Variants in SRGAP3 observed in about 807,000 individuals in gnomAD.
SRGAP3 encodes the protein SLIT-ROBO Rho GTPase activating protein 3, also known as SLIT-ROBO Rho GTPase-activating protein 3.
Under a neutral mutation model 121.1 loss-of-function variants are expected in SRGAP3, and 39 were observed. That is an observed-to-expected ratio of 0.32 (90% CI 0.25 to 0.42). The LOEUF is 0.42. SRGAP3 is among the 10% of genes least tolerant of loss of function. The pLI is 1.00. For missense variants in SRGAP3, 1,213 were observed against 1,470.6 expected, an observed-to-expected ratio of 0.82 and a Z score of 2.86; for synonymous variants, 601 against 570.0, an observed-to-expected ratio of 1.05 and a Z score of -0.77.
chr3:9,063,396 T>C (rs1426095173), intron 5 of SRGAP3, among the ~76,000 whole-genome samples: 1 of 152,118 alleles, frequency 6.6e-6, no homozygotes, highest in Non-Finnish European at 1.5e-5. Context: ...CCCAAAGTGT[T>C]AGGATTACAG....
intron 1 of SRGAP3, among the ~76,000 whole-genome samples, chr3:9,142,865 T>A (rs1474476561): frequency 9.7e-6 from 1 of 103,476 alleles, no homozygotes; most frequent in Non-Finnish European, 1.8e-5. Context: ...TAAGACAGGG[T>A]CTCTCTCTGT....
intron 18 of SRGAP3, among the ~76,000 whole-genome samples, chr3:9,003,551 C>T (rs976047860): frequency 8.5e-5 from 13 of 152,152 alleles, no homozygotes; most frequent in Non-Finnish European, 1.5e-5. Flanking sequence ...AAGAACTATC[C>T]TCCATGCACA....
intron 3 of SRGAP3, among the ~76,000 whole-genome samples, chr3:9,254,817 AAGAG>A (rs200376937): frequency 0.011 from 1,620 of 145,880 alleles, 94 homozygotes; most frequent in Admixed American, 0.092. Context: ...AAGAAAGAAA[AAGAG>A]AGAGAGAGAG....
intron 1 of SRGAP3, among the ~76,000 whole-genome samples, chr3:9,155,029 TA>T (rs1261317834): frequency 6.6e-6 from 1 of 152,154 alleles, no homozygotes; most frequent in Non-Finnish European, 1.5e-5. Context: ...TCCTGTTTTT[TA>T]ATCTCAATAT....
intron 18 of SRGAP3, among the ~76,000 whole-genome samples, chr3:9,009,379 C>T (rs895835219): frequency 1.1e-4 from 17 of 152,078 alleles, no homozygotes; most frequent in Non-Finnish European, 1.9e-4. Context: ...CATCCTGGGC[C>T]GTATTCTAAC....
intron 1 of SRGAP3, among the ~76,000 whole-genome samples, chr3:9,204,857 C>T (rs141454707): frequency 4.3e-4 from 66 of 152,348 alleles, no homozygotes; most frequent in Middle Eastern, 3.4e-3. Flanking sequence ...CCCAGCAGAG[C>T]GGTGACGCTG....
intron 9 of SRGAP3, among the ~76,000 whole-genome samples, chr3:9,048,479 A>T (rs1035479503): frequency 1.3e-5 from 2 of 152,226 alleles, no homozygotes; most frequent in Non-Finnish European, 2.9e-5. Flanking sequence ...CGAACAAAAA[A>T]GGTAAATAAA....
intron 1 of SRGAP3, among the ~76,000 whole-genome samples, chr3:9,176,063 A>G (rs1560345929): frequency 6.6e-6 from 1 of 152,174 alleles, no homozygotes; most frequent in East Asian, 1.9e-4. Flanking sequence ...CTGGGACTAC[A>G]GGCACGTGCC....
chr3:9,190,686 T>G (rs2125137189), intron 1 of SRGAP3, among the ~76,000 whole-genome samples: 1 of 152,308 alleles, frequency 6.6e-6, no homozygotes, highest in East Asian at 1.9e-4. Flanking sequence ...ATCTGGGGCC[T>G]GAATTAGGAT....
At chr3:9,251,152 G>A (rs980439979), upstream of SRGAP3, among the ~76,000 whole-genome samples, 3 of 151,560 alleles carry the variant, frequency 2.0e-5, no homozygotes, top group African/African-American at 7.3e-5. Flanking sequence ...GGAGTGAGGC[G>A]GGGCAGGATG....
intron 1 of SRGAP3, among the ~76,000 whole-genome samples, chr3:9,173,490 G>C (rs750646280): frequency 9.2e-5 from 14 of 152,248 alleles, no homozygotes; most frequent in Non-Finnish European, 1.9e-4. Flanking sequence ...AGAAATAGCT[G>C]AGCAAAGAGG....
intron 1 of SRGAP3, among the ~76,000 whole-genome samples, chr3:9,332,616 GT>G (rs1005930825): frequency 1.3e-5 from 2 of 152,308 alleles, no homozygotes; most frequent in East Asian, 1.9e-4. Flanking sequence ...TGTCAAGAGA[GT>G]TTTTTTCTAT....
intron 4 of SRGAP3, 29 bp from the exon 5 acceptor site, chr3:9,064,610 C>T (rs371203125): frequency 2.6e-4 from 414 of 1,613,322 alleles, no homozygotes; most frequent in Non-Finnish European, 3.1e-4. Flanking sequence ...GGGAAATCAG[C>T]AGCCAGCTAT....
chr3:9,003,640 A>T (rs1942896117), intron 18 of SRGAP3, among the ~76,000 whole-genome samples: 1 of 152,252 alleles, frequency 6.6e-6, no homozygotes, highest in Non-Finnish European at 1.5e-5. Flanking sequence ...CAGTAAAATA[A>T]AAAACAAAAA....
chr3:9,095,557 G>T (rs1161245926), intron 3 of SRGAP3, among the ~76,000 whole-genome samples: 1 of 152,152 alleles, frequency 6.6e-6, no homozygotes, highest in African/African-American at 2.4e-5. Flanking sequence ...AGGACAATCA[G>T]TTGAATCAGC....
intron 3 of SRGAP3, among the ~76,000 whole-genome samples, chr3:9,296,485 G>A (rs574741582): frequency 3.3e-5 from 5 of 152,360 alleles, no homozygotes; most frequent in South Asian, 2.1e-4. Flanking sequence ...CATCTTGGCA[G>A]AGTAAGGGAA....
chr3:9,342,449 A>G (rs928048316), intron 1 of SRGAP3, among the ~76,000 whole-genome samples: 3 of 152,194 alleles, frequency 2.0e-5, no homozygotes, highest in Non-Finnish European at 2.9e-5. Context: ...CTCTACATAC[A>G]TGGCTGCAAA....
At chr3:9,000,386 CAAA>C (rs1237493896) in intron 18 of SRGAP3, among the ~76,000 whole-genome samples, 1 of 152,208 alleles carries the variant, frequency 6.6e-6, no homozygotes, top group African/African-American at 2.4e-5. Flanking sequence ...TGCCCCTCCA[CAAA>C]GCACTCAGTG....
intron 1 of SRGAP3, among the ~76,000 whole-genome samples, chr3:9,356,411 C>T (rs1302950645): frequency 7.1e-6 from 1 of 141,712 alleles, no homozygotes; most frequent in Non-Finnish European, 1.5e-5. Flanking sequence ...CCCGCTCTAT[C>T]GCCCAGGCTG....
Sources: allele counts gnomAD v4.1 joint callset (sites outside exome capture counted in the v4.1 genomes callset), GRCh38; gene constraint gnomAD v4.1.1; transcripts MANE v1.5; gene names NCBI Gene and HGNC (gene_info 2026-07-23, HGNC 2026-07-21).